The following ANKS1B variants were observed in gnomAD, a reference collection of about 807,000 sequenced individuals.
ANKS1B encodes ankyrin repeat and sterile alpha motif domain-containing protein 1B.
ANKS1B carries 36 observed loss-of-function variants against 148.3 expected under a neutral mutation model. The observed-to-expected ratio is 0.24, with a 90% CI of 0.19 to 0.32. The LOEUF (loss-of-function observed/expected upper bound fraction) is 0.32, where lower values mean the gene tolerates loss of function less well. Ranked by LOEUF, ANKS1B falls within the 10% of genes least tolerant of loss-of-function variation. ANKS1B has a pLI of 1.00. For synonymous variants in ANKS1B, 542 were observed against 560.8 expected (o/e 0.97, Z 0.47); for missense variants, 1,157 against 1,542.6 (o/e 0.75, Z 4.19).
rs559365874 is a variant in ANKS1B at position 98,875,318 on chromosome 12, T to C, written c.2779-43182A>G. Among the ~76,000 whole-genome samples, 51 of 152,310 alleles carry C rather than the reference T, an allele frequency of 3.3e-4. 1 individual carries two copies. The South Asian group carries it at 0.01, about 31-fold the overall frequency. On this transcript the variant is annotated intron_variant, in intron 17 of 26. Transcript: ENST00000683438. ...AACAATCTTTCTGGAAAGCTGACCA[T>C]GTAAATTCTCCCTGTTTAAAAACCT...
intron 1 of ANKS1B, among the ~76,000 whole-genome samples, chr12:99,839,548 T>C (rs1182556368): frequency 6.6e-6 from 1 of 152,130 alleles, no homozygotes; most frequent in African/African-American, 2.4e-5. Flanking sequence ...GGTCTAACCT[T>C]TTTATATTTT....
intron 1 of ANKS1B, among the ~76,000 whole-genome samples, chr12:99,952,189 C>T (rs1038814639): frequency 1.3e-5 from 2 of 152,074 alleles, no homozygotes; most frequent in African/African-American, 2.4e-5. Context: ...GTATGGAGGG[C>T]ACCTGCAAAA....
intron 17 of ANKS1B, among the ~76,000 whole-genome samples, chr12:98,870,881 C>A (rs940868544): frequency 6.6e-6 from 1 of 152,182 alleles, no homozygotes; most frequent in Non-Finnish European, 1.5e-5. Flanking sequence ...CAAGAAAGGT[C>A]CCTTATAGAT....
intron 7 of ANKS1B, among the ~76,000 whole-genome samples, chr12:99,774,864 C>T (rs777362386): frequency 1.4e-4 from 21 of 152,060 alleles, no homozygotes; most frequent in Middle Eastern, 3.4e-3. Context: ...CATGGATGAA[C>T]CTAGAGGATA....
intron 12 of ANKS1B, among the ~76,000 whole-genome samples, chr12:99,334,476 C>T (rs182628454): frequency 6.6e-6 from 1 of 152,164 alleles, no homozygotes. Flanking sequence ...CATATCTCCA[C>T]CCACTCTTGA....
intron 17 of ANKS1B, among the ~76,000 whole-genome samples, chr12:99,030,247 C>T (rs113257296): frequency 0.016 from 2,421 of 152,354 alleles, 29 homozygotes; most frequent in Middle Eastern, 0.031. Context: ...CTGGCAGAGG[C>T]TGCTTCAGCC....
At chr12:98,982,664 C>A (rs569466267) in intron 17 of ANKS1B, among the ~76,000 whole-genome samples, 68 of 152,222 alleles carry the variant, frequency 4.5e-4, no homozygotes, top group African/African-American at 1.5e-3. Context: ...TTGCATATAT[C>A]CTTCTTCAAT....
At chr12:99,570,276 G>A (rs1007716167) in intron 9 of ANKS1B, among the ~76,000 whole-genome samples, 2 of 151,924 alleles carry the variant, frequency 1.3e-5, no homozygotes, top group African/African-American at 4.8e-5. Context: ...TTTAATATGA[G>A]CTGTATAGCA....
At chr12:99,855,669 C>T (rs2088901741) in intron 1 of ANKS1B, among the ~76,000 whole-genome samples, 1 of 152,066 alleles carries the variant, frequency 6.6e-6, no homozygotes. Context: ...GACCACAAAA[C>T]AAGTCTCAAC....
intron 15 of ANKS1B, among the ~76,000 whole-genome samples, chr12:99,088,312 G>A (rs576910857): frequency 2.6e-5 from 4 of 152,242 alleles, no homozygotes; most frequent in Non-Finnish European, 2.9e-5. Flanking sequence ...GGATCATGGC[G>A]GGGCAAACTT....
At chr12:99,610,620 G>A (rs2097893465) in intron 9 of ANKS1B, among the ~76,000 whole-genome samples, 1 of 152,086 alleles carries the variant, frequency 6.6e-6, no homozygotes, top group African/African-American at 2.4e-5. Context: ...GAGAATGTCA[G>A]AAAGATCTTG....
intron 14 of ANKS1B, among the ~76,000 whole-genome samples, chr12:99,223,024 G>C (rs943125339): frequency 2.6e-5 from 4 of 152,192 alleles, no homozygotes; most frequent in African/African-American, 9.6e-5. Flanking sequence ...ATATGTGTAA[G>C]GTATTGAAAG....
chr12:99,144,198 G>T (rs1261085612), intron 15 of ANKS1B, among the ~76,000 whole-genome samples: 2 of 152,006 alleles, frequency 1.3e-5, no homozygotes, highest in East Asian at 3.9e-4. Flanking sequence ...CTTCTATCAG[G>T]TAGTTATCAA....
At chr12:99,509,638 G>T (rs552171610) in intron 9 of ANKS1B, among the ~76,000 whole-genome samples, 1 of 152,064 alleles carries the variant, frequency 6.6e-6, no homozygotes, top group Non-Finnish European at 1.5e-5. Context: ...CTTAAGGAAA[G>T]AAACTATCTC....
intron 1 of ANKS1B, among the ~76,000 whole-genome samples, chr12:99,933,561 G>T (rs2094681094): frequency 6.6e-6 from 1 of 151,950 alleles, no homozygotes; most frequent in African/African-American, 2.4e-5. Context: ...CTGGCATATA[G>T]AACACTACTG....
At chr12:99,248,910 G>A (rs1202730579) in intron 12 of ANKS1B, among the ~76,000 whole-genome samples, 1 of 152,184 alleles carries the variant, frequency 6.6e-6, no homozygotes, top group Non-Finnish European at 1.5e-5. Flanking sequence ...GTTCATGACT[G>A]TATCTGGAAT....
At position 99,653,291 on chromosome 12, in the gene ANKS1B, A is replaced by G. The variant is rs534717748; in HGVS notation, c.1272+1776T>C. Among the ~76,000 whole-genome samples, 8 of 152,346 alleles carry G rather than the reference A, an allele frequency of 5.3e-5. No individual in the cohort carries two copies. In the South Asian group the frequency reaches 1.7e-3, roughly 32 times the overall value. On this transcript the variant is annotated intron_variant, in intron 9 of 26. Coordinates refer to ENST00000683438, the MANE Select transcript of ANKS1B (RefSeq NM_001352186.2). ...TTTGATTTGCAGTCATCTGGCTAAT[A>G]TAGTAAATACCCTGATTATTTTATT...
chr12:99,972,781 GC>G (rs2095575776), intron 1 of ANKS1B, among the ~76,000 whole-genome samples: 1 of 151,966 alleles, frequency 6.6e-6, no homozygotes, highest in Non-Finnish European at 1.5e-5. Context: ...GGAAGAAGAT[GC>G]CATCTAGGAC....
At chr12:99,913,929 C>A (rs1047709619) in intron 1 of ANKS1B, among the ~76,000 whole-genome samples, 2 of 152,112 alleles carry the variant, frequency 1.3e-5, no homozygotes, top group Non-Finnish European at 2.9e-5. Flanking sequence ...CAACTGTAAC[C>A]TTTATAACAA....
Sources: gnomAD v4.1 joint callset for allele counts (sites outside exome capture counted in the v4.1 genomes callset) on GRCh38, gnomAD v4.1.1 for gene constraint, MANE v1.5 for transcripts, NCBI Gene and HGNC (gene_info 2026-07-23, HGNC 2026-07-21) for gene names.